BRF1: variants seen among roughly 807,000 people sequenced by gnomAD.
BRF1 encodes the protein BRF1 general transcription factor IIIB subunit.
BRF1 carries 59 observed loss-of-function variants against 81.7 expected under a neutral mutation model. The ratio of observed to expected loss-of-function variants is 0.72; its 90% confidence interval spans 0.59 to 0.90. The LOEUF (loss-of-function observed/expected upper bound fraction) is 0.90, where lower values mean the gene tolerates loss of function less well. Ranked by LOEUF, BRF1 falls within the 40% of genes least tolerant of loss-of-function variation. The pLI is 0.00. For missense variants in BRF1, 1,050 were observed against 936.3 expected, an observed-to-expected ratio of 1.12 and a Z score of -1.58; for synonymous variants, 491 against 395.6, an observed-to-expected ratio of 1.24 and a Z score of -2.86.
intron 4 of BRF1, among the ~76,000 whole-genome samples, chr14:105,255,840 C>T (rs958553773): frequency 1.3e-5 from 2 of 152,118 alleles, no homozygotes; most frequent in African/African-American, 4.8e-5. Flanking sequence ...AAAATGCATG[C>T]AAGAGGCCAG....
chr14:105,297,690 T>C (rs1040554682), intron 1 of BRF1, among the ~76,000 whole-genome samples: 1 of 151,888 alleles, frequency 6.6e-6, no homozygotes, highest in Non-Finnish European at 1.5e-5. Flanking sequence ...AATCCAAAAA[T>C]CTGAGATTAT....
rs1269470231 is a variant in BRF1, at chr14:105,226,697, G to A, written c.852C>T (p.Asp284=). ...AGGGGGGGTCGCACTCCTCCTCCAG[G>A]TCGATCTTCATGAACTCATCAATGG... ...QLTIDEFMKI[D]LEEECDPPSY... is the part of the protein sequence containing the mutation. Residue 284 remains aspartate, a synonymous_variant, in exon 8 of 18, where the codon GAC becomes GAT. Coordinates refer to ENST00000547530, the MANE Select transcript of BRF1 (RefSeq NM_001519.4). 1.2e-6 allele frequency: 2 copies of A among 1,613,660 alleles called. No homozygotes were observed. The highest frequency in any genetic ancestry group is 1.7e-5 in the Admixed American group (1 of 60,012).
intron 3 of BRF1, 123 bp downstream of exon 3, chr14:105,272,598 G>A (rs1263559200): frequency 1.2e-5 from 15 of 1,234,764 alleles, no homozygotes; most frequent in Non-Finnish European, 1.5e-5. Flanking sequence ...AGTTCTTCCA[G>A]TAAGGTGTTT....
chr14:105,246,914 GC>G (rs1327363104), intron 5 of BRF1: 2 of 985,206 alleles, frequency 2.0e-6, no homozygotes, highest in Admixed American at 6.2e-5. Flanking sequence ...GACAGCTGTC[GC>G]CCAGGTCTTG....
intron 15 of BRF1, among the ~76,000 whole-genome samples, chr14:105,216,837 CG>C (rs1257283482): frequency 6.6e-6 from 1 of 152,148 alleles, no homozygotes; most frequent in Non-Finnish European, 1.5e-5. Flanking sequence ...GAGTGAAGGT[CG>C]GAACCACCAA....
upstream of BRF1, among the ~76,000 whole-genome samples, chr14:105,303,792 T>C (rs1046308837): frequency 1.3e-5 from 2 of 152,256 alleles, no homozygotes; most frequent in African/African-American, 4.8e-5. Context: ...TTCAAATATG[T>C]ATTATTGATC....
At chr14:105,247,740 C>T in intron 5 of BRF1, 1 of 985,482 alleles carries the variant, frequency 1.0e-6, no homozygotes, top group Non-Finnish European at 1.2e-6. Context: ...GCGTGTGTGT[C>T]CTCGGGGAGG....
intron 5 of BRF1, chr14:105,250,959 G>A (rs1039798042): frequency 7.4e-6 from 3 of 405,852 alleles, no homozygotes; most frequent in East Asian, 4.2e-5. Flanking sequence ...TGCTTTGAGG[G>A]GTTGGATCTT....
chr14:105,219,959 G>C, intron 12 of BRF1, 110 bp downstream of exon 12: 4 of 1,204,566 alleles, frequency 3.3e-6, no homozygotes, highest in Non-Finnish European at 4.8e-6. Context: ...ACCCAGCGGG[G>C]TGGGCTCTGG....
chr14:105,280,251 G>A (rs2057013888), intron 2 of BRF1, among the ~76,000 whole-genome samples: 1 of 152,236 alleles, frequency 6.6e-6, no homozygotes, highest in South Asian at 2.1e-4. Context: ...CTGGAGGACA[G>A]TTAAATGCCC....
intron 11 of BRF1, 139 bp from the exon 12 acceptor site, chr14:105,220,269 T>TCG: frequency 1.2e-6 from 1 of 849,454 alleles, no homozygotes; most frequent in Non-Finnish European, 1.9e-6. Flanking sequence ...CACTGGTGGG[T>TCG]CGCGCCCTGT....
At chr14:105,279,461 C>T (rs74755648) in intron 2 of BRF1, among the ~76,000 whole-genome samples, 1,725 of 152,296 alleles carry the variant, frequency 0.011, 29 homozygotes, top group South Asian at 0.048. Flanking sequence ...AAGGTTGTGG[C>T]CATAATTACT....
At chr14:105,250,735 C>T in intron 5 of BRF1, 3 of 1,479,772 alleles carry the variant, frequency 2.0e-6, no homozygotes, top group Middle Eastern at 5.0e-4. Context: ...ATGCTAACTG[C>T]TTCTTGACAC....
chr14:105,288,639 T>TTC (rs1355359738), intron 1 of BRF1, among the ~76,000 whole-genome samples: 68 of 144,154 alleles, frequency 4.7e-4, no homozygotes, highest in African/African-American at 1.7e-3. Flanking sequence ...CTTTCTTTCT[T>TTC]TTTTTTTTTT....
chr14:105,269,234 C>A lies in BRF1; in HGVS notation c.439+3487G>T, dbSNP rs1444230080. Among the ~76,000 whole-genome samples the A allele has an allele frequency of 6.6e-6, 1 of 152,088 alleles. No homozygotes were observed. The highest frequency in any genetic ancestry group is 1.9e-4 in the East Asian group (1 of 5,186). ...ACTTCCCTCTAAAGTGCCGGCAAAGCAGGGGTGGGCTGGGAAGTGAGGGCT... is the reference window on the plus strand; with the variant it reads ...ACTTCCCTCTAAAGTGCCGGCAAAGAAGGGGTGGGCTGGGAAGTGAGGGCT... On this transcript the variant is annotated intron_variant, in intron 3 of 17. Transcript: ENST00000547530. This position sits in a 1 kb window ranked among gnomAD's most constrained non-coding sequence, Gnocchi z 5.0.
intron 1 of BRF1, among the ~76,000 whole-genome samples, chr14:105,289,035 C>CAA (rs751051126): frequency 0.019 from 1,873 of 96,440 alleles, 14 homozygotes; most frequent in Non-Finnish European, 0.021. Flanking sequence ...GACCCTGTCT[C>CAA]AAAAAAAAAA....
chr14:105,308,534 G>C (rs2058258511), intron 1 of BRF1, among the ~76,000 whole-genome samples: 1 of 149,100 alleles, frequency 6.7e-6, no homozygotes, highest in Admixed American at 6.7e-5. Flanking sequence ...CCGGGCTGGA[G>C]TGCAGTGGTG....
chr14:105,209,957 G>A lies in BRF1; in HGVS notation c.*594C>T, dbSNP rs1163834667. 3.1e-6 allele frequency: 1 copy of A among 322,210 alleles called. No individual in the cohort carries two copies. Among genetic ancestry groups the A allele is most frequent in the African/African-American group, 2.1e-5 (1 of 46,672 alleles). The allele number at this position is 322,210 out of a possible 1,614,324, so 20.0% of individuals were successfully genotyped here. A position where few individuals can be genotyped will look rare whatever the true frequency, so the allele number is the denominator to read the frequency against. Reference sequence around the variant, plus strand: ...GGGTGGGGGTGTCTGCCTCGGACGAGGCAGGTATCTGGATGCAGGGCCACA... The same window carrying A: ...GGGTGGGGGTGTCTGCCTCGGACGAAGCAGGTATCTGGATGCAGGGCCACA... On this transcript the variant is annotated 3_prime_UTR_variant, in exon 18 of 18. Transcript: ENST00000547530.
At chr14:105,249,012 G>T (rs1481864824) in intron 5 of BRF1, 1 of 1,094,774 alleles carries the variant, frequency 9.1e-7, no homozygotes, top group South Asian at 4.3e-5. Context: ...GCCCGCGCCC[G>T]CGCCGCCCAC....
Sources: gnomAD v4.1 joint callset for allele counts (sites outside exome capture counted in the v4.1 genomes callset) on GRCh38, gnomAD v4.1.1 for gene constraint, Gnocchi (gnomAD v3.1) non-coding constraint, MANE v1.5 for transcripts, NCBI Gene and HGNC (gene_info 2026-07-23, HGNC 2026-07-21) for gene names.